The following MEIS2 variants were observed in gnomAD, a reference collection of about 807,000 sequenced individuals.
MEIS2 encodes the protein homeobox protein Meis2.
In MEIS2, 9 loss-of-function variants were observed where a neutral mutation model predicts 58.6. The observed-to-expected ratio is 0.15, with a 90% CI of 0.09 to 0.27. MEIS2 has a LOEUF of 0.27. Ranked by LOEUF, MEIS2 falls within the 10% of genes least tolerant of loss-of-function variation. The pLI, the probability that MEIS2 is intolerant of heterozygous loss-of-function variation, is 1.00. For synonymous variants in MEIS2, 221 were observed against 228.4 expected (o/e 0.97, Z 0.29); for missense variants, 427 against 635.0 (o/e 0.67, Z 3.52).
chr15:37,078,571 T>C (rs1891740759), intron 7 of MEIS2, among the ~76,000 whole-genome samples: 1 of 133,324 alleles, frequency 7.5e-6, no homozygotes, highest in South Asian at 2.3e-4. Flanking sequence ...TTTTGCTTTT[T>C]GGAAGGAAAA....
chr15:36,990,315 A>C (rs2060230136), intron 8 of MEIS2, among the ~76,000 whole-genome samples: 2 of 152,160 alleles, frequency 1.3e-5, no homozygotes. Flanking sequence ...GTATTGATTC[A>C]ATGAGTAAGT....
chr15:36,921,617 AC>A (rs1290039214), intron 9 of MEIS2, among the ~76,000 whole-genome samples: 2 of 151,696 alleles, frequency 1.3e-5, no homozygotes, highest in Non-Finnish European at 2.9e-5. Context: ...GTGTGCCCCC[AC>A]CTTTTGTGTT....
chr15:37,073,539 G>A (rs1288995641), intron 7 of MEIS2, among the ~76,000 whole-genome samples: 1 of 152,036 alleles, frequency 6.6e-6, no homozygotes, highest in Non-Finnish European at 1.5e-5. Context: ...ACACTAAGAA[G>A]AGGTCTTGAG....
intron 7 of MEIS2, among the ~76,000 whole-genome samples, chr15:37,051,124 T>C (rs2062901259): frequency 6.6e-6 from 1 of 152,222 alleles, no homozygotes; most frequent in Non-Finnish European, 1.5e-5. Context: ...TTTATACTTA[T>C]TAACAAACTT....
intron 3 of MEIS2, 23 bp downstream of exon 3, chr15:37,096,266 T>G: frequency 6.3e-7 from 1 of 1,577,246 alleles, no homozygotes; most frequent in Non-Finnish European, 8.6e-7. Context: ...TGCCCGAAGT[T>G]GAGTGGATCA....
chr15:36,942,687 G>A (rs372297116), intron 9 of MEIS2, among the ~76,000 whole-genome samples: 1 of 152,058 alleles, frequency 6.6e-6, no homozygotes, highest in Non-Finnish European at 1.5e-5. Flanking sequence ...TATTCATAAA[G>A]CACTTATTTC....
rs1036562312 is a variant in MEIS2, at chr15:36,900,268, A to T, written c.978-3582T>A. On this transcript the variant is annotated intron_variant, in intron 9 of 11. Coordinates refer to ENST00000561208, the MANE Select transcript of MEIS2 (RefSeq NM_170675.5). ...TATCTAGATTTCACTTAGAAAAAAA[A>T]TTTTCATTAGCCTCATTGTGACTTT... Among the ~76,000 whole-genome samples, 6 of 152,242 alleles carry T rather than the reference A, an allele frequency of 3.9e-5. No individual in the cohort carries two copies. The East Asian group carries it at 1.2e-3, about 29-fold the overall frequency.
chr15:36,915,584 A>T (rs904133935), intron 9 of MEIS2, among the ~76,000 whole-genome samples: 10 of 152,186 alleles, frequency 6.6e-5, no homozygotes, highest in African/African-American at 2.4e-4. Context: ...ATATGCTGTC[A>T]TCTCAAGGGC....
chr15:36,977,796 T>C (rs1427551647), intron 8 of MEIS2, among the ~76,000 whole-genome samples: 2 of 152,156 alleles, frequency 1.3e-5, no homozygotes, highest in African/African-American at 2.4e-5. Flanking sequence ...TTGAGTGTTT[T>C]CTCTCAATAA....
Position 36,905,749 on chromosome 15 carries a change from A to G in MEIS2, c.978-9063T>C, listed in dbSNP as rs532840139. On this transcript the variant is annotated intron_variant, in intron 9 of 11. Coordinates refer to ENST00000561208, the MANE Select transcript of MEIS2 (RefSeq NM_170675.5). Reference sequence around the variant, plus strand: ...AAGACAAATTTAATGACAGAATATAAGACAAAGTTATATATAAAATTATCA... The same window carrying G: ...AAGACAAATTTAATGACAGAATATAGGACAAAGTTATATATAAAATTATCA... Among the ~76,000 whole-genome samples, 8 of 152,358 alleles carry G rather than the reference A, an allele frequency of 5.3e-5. No homozygotes were observed. The East Asian group carries it at 1.5e-3, about 29-fold the overall frequency.
At chr15:37,075,147 C>T (rs1891232650) in intron 7 of MEIS2, among the ~76,000 whole-genome samples, 1 of 151,984 alleles carries the variant, frequency 6.6e-6, no homozygotes, top group South Asian at 2.1e-4. Flanking sequence ...CTATTTGCCA[C>T]ACCAAGCAAT....
intron 8 of MEIS2, among the ~76,000 whole-genome samples, chr15:37,034,902 C>A (rs757497576): frequency 6.6e-6 from 1 of 151,776 alleles, no homozygotes; most frequent in Non-Finnish European, 1.5e-5. Context: ...CTCAGCTTGA[C>A]CTTCAGCTAG....
chr15:36,959,729 G>A (rs940168895), intron 8 of MEIS2, among the ~76,000 whole-genome samples: 3 of 152,070 alleles, frequency 2.0e-5, no homozygotes, highest in African/African-American at 7.2e-5. Context: ...GGAAGAAATG[G>A]CAAATCCAGA....
chr15:37,070,582 T>G (rs1478544970), intron 7 of MEIS2, among the ~76,000 whole-genome samples: 1 of 152,182 alleles, frequency 6.6e-6, no homozygotes, highest in East Asian at 1.9e-4. Flanking sequence ...GCTTTCAATC[T>G]ATTTAACCAC....
chr15:36,961,272 A>G (rs1162102053), intron 8 of MEIS2, among the ~76,000 whole-genome samples: 3 of 152,176 alleles, frequency 2.0e-5, no homozygotes, highest in African/African-American at 7.2e-5. Flanking sequence ...TCTTTTCATC[A>G]TACCTGTGAA....
chr15:37,099,388 G>A, intron 1 of MEIS2, 67 bp downstream of exon 1: 1 of 1,605,556 alleles, frequency 6.2e-7, no homozygotes, highest in Non-Finnish European at 8.5e-7. Context: ...AGGGAGAGGA[G>A]GCATCGGGAC....
chr15:36,892,529 TG>T, intron 11 of MEIS2, 70 bp from the exon 12 acceptor site: 20 of 994,140 alleles, frequency 2.0e-5, no homozygotes, highest in South Asian at 7.3e-5. Flanking sequence ...CCATCAAAGA[TG>T]AAAAGAAAAA....
intron 8 of MEIS2, among the ~76,000 whole-genome samples, chr15:37,031,815 T>TTGTGTG (rs66770353): frequency 0.061 from 8,172 of 134,134 alleles, 325 homozygotes; most frequent in Middle Eastern, 0.089. Flanking sequence ...TTACATCACT[T>TTGTGTG]TGTGTGTGTG....
chr15:37,089,139 T>C (rs1893229366), intron 6 of MEIS2, among the ~76,000 whole-genome samples: 1 of 152,104 alleles, frequency 6.6e-6, no homozygotes, highest in Non-Finnish European at 1.5e-5. Flanking sequence ...CTTGAGTTGG[T>C]GGACAGAGCT....
Sources: allele counts gnomAD v4.1 joint callset (sites outside exome capture counted in the v4.1 genomes callset), GRCh38; gene constraint gnomAD v4.1.1; transcripts MANE v1.5; gene names NCBI Gene and HGNC (gene_info 2026-07-23, HGNC 2026-07-21).